Variants in NMBR observed in about 807,000 individuals in gnomAD.
The protein encoded by NMBR is neuromedin B receptor.
Under a neutral mutation model 20.5 loss-of-function variants are expected in NMBR, and 16 were observed. The ratio of observed to expected loss-of-function variants is 0.78; its 90% confidence interval spans 0.53 to 1.19. The LOEUF is 1.19. Ranked by LOEUF, NMBR falls within the 50% of genes most tolerant of loss-of-function variation. The probability of loss-of-function intolerance (pLI) is 0.00; values close to 1 mark genes in which losing one functional copy is unlikely to be tolerated. For missense variants in NMBR, 582 were observed against 499.1 expected, an observed-to-expected ratio of 1.17 and a Z score of -1.58; for synonymous variants, 212 against 196.6, an observed-to-expected ratio of 1.08 and a Z score of -0.65.
chr6:142,134,462 G>GT (rs1044148152), intron 1 of NMBR: 11 of 457,086 alleles, frequency 2.4e-5, no homozygotes, highest in Non-Finnish European at 3.5e-5. Context: ...AGTTAGTGGG[G>GT]TTTTTTTAGT....
At chr6:142,126,035 C>T (rs79461632) in intron 1 of NMBR, among the ~76,000 whole-genome samples, 2,152 of 151,864 alleles carry the variant, frequency 0.014, 57 homozygotes, top group African/African-American at 0.049. Flanking sequence ...TAGTCTTTGA[C>T]CATCTTCCCA....
At chr6:142,077,891 C>G (rs1776981817) in intron 3 of NMBR, among the ~76,000 whole-genome samples, 1 of 152,128 alleles carries the variant, frequency 6.6e-6, no homozygotes. Flanking sequence ...TAGATTTTTA[C>G]CTTAAATTAG....
chr6:142,094,318 A>G (rs550328433), intron 1 of NMBR, among the ~76,000 whole-genome samples: 10 of 152,272 alleles, frequency 6.6e-5, no homozygotes, highest in Non-Finnish European at 8.8e-5. Context: ...ATCTTGAATT[A>G]ATTTTTGTAT....
chr6:142,125,162 C>T (rs111600361), intron 1 of NMBR, among the ~76,000 whole-genome samples: 2 of 151,808 alleles, frequency 1.3e-5, no homozygotes, highest in African/African-American at 4.8e-5. Flanking sequence ...GTGAAACATA[C>T]CATTCTGAGT....
chr6:142,084,837 C>T (rs1198257861), intron 2 of NMBR, among the ~76,000 whole-genome samples: 6 of 152,006 alleles, frequency 3.9e-5, no homozygotes, highest in Admixed American at 1.3e-4. Context: ...GCTTATGGGG[C>T]GCCACCAACC....
rs1224360900 is a variant in NMBR, at chr6:142,075,016, C to G, written c.*632G>C. 2.0e-5 allele frequency among the ~76,000 whole-genome samples: 3 copies of G among 151,654 alleles called. No homozygotes were observed. In the East Asian group the frequency reaches 5.8e-4, roughly 29 times the overall value. The stretch of plus-strand genomic sequence containing the variant: ...ATTAATCACAGAATCACAATAAATA[C>G]CAATTTGATTAAGCTCCACCTTTGA... On this transcript the variant is annotated 3_prime_UTR_variant, in exon 4 of 4. Transcript: ENST00000258042.
chr6:142,076,149 T>G (rs1235279139), intron 3 of NMBR, 100 bp from the exon 4 acceptor site: 1 of 862,040 alleles, frequency 1.2e-6, no homozygotes, highest in African/African-American at 1.7e-5. Flanking sequence ...TACAGCATGA[T>G]AATACATCCA....
chr6:142,076,809 A>G (rs1776959056), intron 3 of NMBR, among the ~76,000 whole-genome samples: 1 of 152,230 alleles, frequency 6.6e-6, no homozygotes, highest in Admixed American at 6.5e-5. Context: ...ATACTTAATT[A>G]AACCAACATG....
intron 1 of NMBR, among the ~76,000 whole-genome samples, chr6:142,124,904 C>A (rs1337215742): frequency 6.6e-6 from 1 of 151,814 alleles, no homozygotes; most frequent in African/African-American, 2.4e-5. Flanking sequence ...AGAATCCAAT[C>A]CCTTCTTTTT....
intron 2 of NMBR, among the ~76,000 whole-genome samples, chr6:142,086,815 A>G (rs755703245): frequency 6.6e-6 from 1 of 152,172 alleles, no homozygotes; most frequent in African/African-American, 2.4e-5. Context: ...ATAAACTCCA[A>G]CCCTGGGTCT....
chr6:142,079,002 GAGA>G (rs1172704602), intron 2 of NMBR, 99 bp from the exon 3 acceptor site: 10 of 722,830 alleles, frequency 1.4e-5, no homozygotes, highest in Non-Finnish European at 1.9e-5. Flanking sequence ...GGGAGAGAGA[GAGA>G]AAGGAAGAAA....
chr6:142,145,861 A>C (rs1778423673), intron 1 of NMBR, among the ~76,000 whole-genome samples: 1 of 152,226 alleles, frequency 6.6e-6, no homozygotes, highest in Non-Finnish European at 1.5e-5. Context: ...CAATTAAGTG[A>C]GAATGCCTGG....
At chr6:142,087,631 A>G (rs774423719) in intron 2 of NMBR, among the ~76,000 whole-genome samples, 11 of 151,342 alleles carry the variant, frequency 7.3e-5, no homozygotes, top group Non-Finnish European at 1.3e-4. Flanking sequence ...CTATCTGTGG[A>G]AAAAAAAAGT....
intron 2 of NMBR, among the ~76,000 whole-genome samples, chr6:142,083,478 T>C (rs975022496): frequency 1.4e-4 from 21 of 152,278 alleles, no homozygotes; most frequent in African/African-American, 4.6e-4. Flanking sequence ...TTAAGCTGCC[T>C]TACATTCTCC....
chr6:142,100,541 G>T (rs976285902), intron 1 of NMBR, among the ~76,000 whole-genome samples: 8 of 152,210 alleles, frequency 5.3e-5, no homozygotes, highest in African/African-American at 1.9e-4. Flanking sequence ...CTTCCCAGGG[G>T]ACTGGAGGAG....
rs547033876 is a variant in NMBR at position 142,078,812 on chromosome 6, C to T, written c.514G>A (p.Val172Met). The change falls in exon 3 of 4, where the codon GTG (valine) becomes ATG (methionine). Residue 172 changes from valine to methionine, a missense_variant. Coordinates refer to ENST00000258042, the MANE Select transcript of NMBR (RefSeq NM_002511.4). ...ACCGCTTCGGGAACTGCCAGCAACA[C>T]GGAGACCACCCAGATACCCATGGCC... Reference protein sequence around the residue: ...VKAMGIWVVSVLLAVPEAVFS... With the variant: ...VKAMGIWVVSMLLAVPEAVFS... 3.0e-5 allele frequency: 48 copies of T among 1,613,974 alleles called. No homozygotes were observed. Among genetic ancestry groups the T allele is most frequent in the Admixed American group, 2.3e-4 (14 of 60,006 alleles).
intron 1 of NMBR, among the ~76,000 whole-genome samples, chr6:142,098,022 A>G (rs1421696372): frequency 6.6e-6 from 1 of 152,108 alleles, no homozygotes; most frequent in East Asian, 1.9e-4. Flanking sequence ...GACTGGGGAA[A>G]AAAATGAATA....
chr6:142,137,480 C>G (rs1375101528), intron 1 of NMBR, among the ~76,000 whole-genome samples: 5 of 152,010 alleles, frequency 3.3e-5, no homozygotes, highest in African/African-American at 4.8e-5. Context: ...AATTGAATAC[C>G]CTTTATTTCC....
chr6:142,143,702 TATA>T (rs1778390023), intron 1 of NMBR, among the ~76,000 whole-genome samples: 1 of 151,974 alleles, frequency 6.6e-6, no homozygotes, highest in South Asian at 2.1e-4. Context: ...AGGAAACTTA[TATA>T]GAAATTGACA....
Sources: gnomAD v4.1 joint callset for allele counts (sites outside exome capture counted in the v4.1 genomes callset) on GRCh38, gnomAD v4.1.1 for gene constraint, MANE v1.5 for transcripts, NCBI Gene and HGNC (gene_info 2026-07-23, HGNC 2026-07-21) for gene names.